Variants in DPYD observed in about 807,000 individuals in gnomAD.
DPYD encodes the protein dihydropyrimidine dehydrogenase [NADP(+)].
DPYD carries 109 observed loss-of-function variants against 116.2 expected under a neutral mutation model. The ratio of observed to expected loss-of-function variants is 0.94; its 90% CI spans 0.80 to 1.10. DPYD has a LOEUF of 1.10. Ranked by LOEUF, DPYD falls within the 50% of genes least tolerant of loss-of-function variation. DPYD has a pLI of 0.00. For synonymous variants in DPYD, 440 were observed against 432.0 expected, an observed-to-expected ratio of 1.02 and a Z score of -0.23; for missense variants, 1,302 against 1,254.5, an observed-to-expected ratio of 1.04 and a Z score of -0.57.
At chr1:97,197,555 C>T (rs947522699) in intron 19 of DPYD, among the ~76,000 whole-genome samples, 3 of 152,120 alleles carry the variant, frequency 2.0e-5, no homozygotes, top group South Asian at 4.2e-4. Context: ...TAAATCATCC[C>T]TGATGTTTCC....
chr1:97,342,250 C>T (rs1022152053), intron 16 of DPYD, among the ~76,000 whole-genome samples: 1 of 152,118 alleles, frequency 6.6e-6, no homozygotes, highest in African/African-American at 2.4e-5. Context: ...TGTCTACTTT[C>T]TTCCTTTTAA....
At chr1:97,619,701 T>G (rs1483461119) in intron 8 of DPYD, among the ~76,000 whole-genome samples, 2 of 152,204 alleles carry the variant, frequency 1.3e-5, no homozygotes, top group East Asian at 3.8e-4. Flanking sequence ...TTCCTTGCTC[T>G]TGGTATCTTT....
chr1:97,229,494 T>C (rs1243586241), intron 19 of DPYD, among the ~76,000 whole-genome samples: 4 of 142,374 alleles, frequency 2.8e-5, no homozygotes, highest in African/African-American at 1.0e-4. Context: ...TCCACTGAAC[T>C]ACCAAACTAA....
chr1:97,371,742 T>C (rs1231485419), intron 16 of DPYD, among the ~76,000 whole-genome samples: 1 of 152,234 alleles, frequency 6.6e-6, no homozygotes, highest in African/African-American at 2.4e-5. Flanking sequence ...TCTTCAATCA[T>C]ATAATTTACA....
chr1:97,085,213 A>G (rs550507973), intron 21 of DPYD, among the ~76,000 whole-genome samples: 1 of 152,238 alleles, frequency 6.6e-6, no homozygotes, highest in African/African-American at 2.4e-5. Context: ...TGAATCAGAT[A>G]ATGGTGACTA....
intron 1 of DPYD, among the ~76,000 whole-genome samples, chr1:97,897,193 G>C (rs1261755405): frequency 6.6e-6 from 1 of 151,870 alleles, no homozygotes; most frequent in Non-Finnish European, 1.5e-5. Context: ...ATTCTACACT[G>C]AAAGTTTTTG....
chr1:97,686,636 CAAAAAAAA>C (rs1159274157), intron 7 of DPYD, among the ~76,000 whole-genome samples: 15 of 10,058 alleles, frequency 1.5e-3, no homozygotes, highest in African/African-American at 4.4e-3. Context: ...GACTCTGTCT[CAAAAAAAA>C]AAAAAAAAAA....
chr1:97,719,099 C>T (rs997464330), intron 5 of DPYD, among the ~76,000 whole-genome samples: 2 of 142,276 alleles, frequency 1.4e-5, no homozygotes, highest in African/African-American at 5.3e-5. Flanking sequence ...CTTTTTCACA[C>T]TGCAAATGTG....
chr1:97,881,988 A>G (rs1443914540), intron 2 of DPYD, among the ~76,000 whole-genome samples: 1 of 151,768 alleles, frequency 6.6e-6, no homozygotes, highest in African/African-American at 2.4e-5. Context: ...GTGCACATGT[A>G]CCCTAAAACT....
chr1:97,116,431 G>A (rs902887580), intron 20 of DPYD, among the ~76,000 whole-genome samples: 4 of 152,030 alleles, frequency 2.6e-5, no homozygotes, highest in Admixed American at 6.5e-5. Flanking sequence ...CCAGAACTTC[G>A]GGGGGCCAAG....
At chr1:97,273,457 C>T (rs1664729684) in intron 18 of DPYD, among the ~76,000 whole-genome samples, 1 of 152,144 alleles carries the variant, frequency 6.6e-6, no homozygotes, top group Non-Finnish European at 1.5e-5. Flanking sequence ...TAATATAGTA[C>T]AATTACCTCC....
chr1:97,675,039 C>G (rs974388851), intron 8 of DPYD, among the ~76,000 whole-genome samples: 1 of 152,164 alleles, frequency 6.6e-6, no homozygotes, highest in African/African-American at 2.4e-5. Context: ...TGCAAGCACA[C>G]ACATCAAACA....
intron 10 of DPYD, among the ~76,000 whole-genome samples, chr1:97,584,542 A>C (rs1653944298): frequency 6.6e-6 from 1 of 151,942 alleles, no homozygotes; most frequent in African/African-American, 2.4e-5. Flanking sequence ...TTATGGTTTT[A>C]GGTCTAACAT....
At chr1:97,515,690 A>G in intron 13 of DPYD, 36 bp downstream of exon 13, 5 of 1,570,614 alleles carry the variant, frequency 3.2e-6, no homozygotes, top group Non-Finnish European at 4.4e-6. Flanking sequence ...AATATATGAT[A>G]GACATTTCTA....
chr1:97,257,464 A>AGAGAG (rs1557977908), intron 18 of DPYD, among the ~76,000 whole-genome samples: 84 of 138,222 alleles, frequency 6.1e-4, no homozygotes, highest in African/African-American at 2.0e-3. Flanking sequence ...GAGAGAGAGA[A>AGAGAG]AGAGAGAGAG....
At chr1:97,810,579 C>T (rs1668306302) in intron 3 of DPYD, among the ~76,000 whole-genome samples, 1 of 152,064 alleles carries the variant, frequency 6.6e-6, no homozygotes, top group South Asian at 2.1e-4. Flanking sequence ...CCATCCTTCA[C>T]ATTTTACATC....
chr1:97,223,374 A>G (rs1660899536), intron 19 of DPYD, among the ~76,000 whole-genome samples: 1 of 141,104 alleles, frequency 7.1e-6, no homozygotes, highest in South Asian at 3.0e-4. Flanking sequence ...ACCCACGCAG[A>G]AAAGATAGAA....
intron 18 of DPYD, among the ~76,000 whole-genome samples, chr1:97,271,854 C>T (rs1664601231): frequency 6.6e-6 from 1 of 152,130 alleles, no homozygotes; most frequent in Non-Finnish European, 1.5e-5. Context: ...GATGATTTGA[C>T]ATTCACTCTG....
At chr1:97,699,965 T>C (rs553413212) in intron 5 of DPYD, among the ~76,000 whole-genome samples, 10 of 152,234 alleles carry the variant, frequency 6.6e-5, no homozygotes, top group African/African-American at 2.4e-4. Flanking sequence ...TTATAGGAGT[T>C]AGCATTGCGA....
Sources: gnomAD v4.1 joint callset for allele counts (sites outside exome capture counted in the v4.1 genomes callset) on GRCh38, gnomAD v4.1.1 for gene constraint, MANE v1.5 for transcripts, NCBI Gene and HGNC (gene_info 2026-07-23, HGNC 2026-07-21) for gene names.